Variants in PLD1 observed in about 807,000 individuals in gnomAD.
The protein encoded by PLD1 is choline phosphatase 1.
PLD1 carries 112 observed loss-of-function variants against 137.1 expected under a neutral mutation model. The observed-to-expected ratio is 0.82, with a 90% CI of 0.70 to 0.96. PLD1 has a LOEUF of 0.96. Among genes scored for constraint, PLD1 ranks in the 40% least tolerant of loss-of-function variants. PLD1 has a pLI of 0.00. For missense variants in PLD1, 1,321 were observed against 1,342.0 expected (o/e 0.98, Z 0.24); for synonymous variants, 431 against 454.7 (o/e 0.95, Z 0.66).
In PLD1 at chr3:171,697,250, T is replaced by TTG. The variant is rs1560227429; in HGVS notation, c.1227+2494_1227+2495insCA. On this transcript the variant is annotated intron_variant, in intron 12 of 26. Coordinates refer to ENST00000351298, the MANE Select transcript of PLD1 (RefSeq NM_002662.5). ...CCTTCCGGACACCTTTTTTTTTTTT[T>TTG]TTTTTTTTTTTTGAAACAGAGTCTT... Among the ~76,000 whole-genome samples, 36 of 146,774 alleles carry TTG rather than the reference T, an allele frequency of 2.5e-4. 1 individual carries two copies. The highest frequency in any genetic ancestry group is 7.9e-4 in the East Asian group (4 of 5,054).
At chr3:171,807,294 CA>C (rs34352774) in intron 1 of PLD1, among the ~76,000 whole-genome samples, 22 of 148,598 alleles carry the variant, frequency 1.5e-4, no homozygotes, top group African/African-American at 5.0e-4. Flanking sequence ...GACCCTGTCT[CA>C]AAAAAAAAAG....
rs572758144 is a variant in PLD1, at chr3:171,696,728, T to C, written c.1227+3017A>G. On this transcript the variant is annotated intron_variant, in intron 12 of 26. Transcript: ENST00000351298. ...TTGGAGTGATCCGAGTGTTAAAAAA[T>C]TTATGAACAAAGTAATAATATGGTG... is the stretch of plus-strand genomic sequence containing the variant. Among the ~76,000 whole-genome samples the C allele has an allele frequency of 9.0e-4, 137 of 152,268 alleles. 3 individuals carry two copies. The South Asian group carries it at 0.027, about 30-fold the overall frequency.
Position 171,612,229 on chromosome 3 carries a change from C to T in PLD1, c.2882+50G>A, listed in dbSNP as rs191668741. The T allele has an allele frequency of 2.4e-5, 38 of 1,577,118 alleles. No individual in the cohort carries two copies. Among genetic ancestry groups the T allele is most frequent in the Middle Eastern group, 3.4e-4 (2 of 5,912 alleles). ...CAGGGCTAGCGGGGCTGGGTCCCAG[C>T]GACTGCTGCAGTGGAAATGCATCAG... On this transcript the variant is annotated intron_variant, in intron 25 of 26. Transcript: ENST00000351298. This position sits in a 1 kb window ranked among gnomAD's most constrained non-coding sequence, Gnocchi z 4.1.
intron 11 of PLD1, among the ~76,000 whole-genome samples, chr3:171,708,536 A>G (rs1010310978): frequency 1.3e-5 from 2 of 152,154 alleles, no homozygotes; most frequent in African/African-American, 4.8e-5. Flanking sequence ...CAAATATAAA[A>G]CCTAATTGTT....
chr3:171,674,506 G>T lies in PLD1; in HGVS notation c.2223C>A (p.Asn741Lys). ...RYQVPGSVHA[N>K]VQLLRSAADW... The stretch of plus-strand genomic sequence containing the variant: ...AAAGCCAGAACTTACTTACCTGTAC[G>T]TTAGCATGGACAGACCCAGGCACTT... Residue 741 changes from asparagine (N) to lysine (K), a missense_variant, in exon 19 of 27, where the codon AAC (asparagine) becomes AAA (lysine). Transcript: ENST00000351298. 2 of 1,557,090 alleles carry T rather than the reference G, an allele frequency of 1.3e-6. No individual in the cohort carries two copies. Among genetic ancestry groups the T allele is most frequent in the Non-Finnish European group, 8.8e-7 (1 of 1,134,812 alleles).
chr3:171,758,503 C>A (rs1721182264), intron 1 of PLD1, among the ~76,000 whole-genome samples: 2 of 152,174 alleles, frequency 1.3e-5, no homozygotes, highest in Non-Finnish European at 1.5e-5. Context: ...AGAGTGTGGT[C>A]CATGGACTAG....
At chr3:171,716,200 C>T (rs1227022653) in intron 8 of PLD1, among the ~76,000 whole-genome samples, 1 of 152,146 alleles carries the variant, frequency 6.6e-6, no homozygotes, top group African/African-American at 2.4e-5. Flanking sequence ...AGTGAAAATA[C>T]ACATGCACTG....
chr3:171,770,794 T>G (rs1288660315), intron 1 of PLD1, among the ~76,000 whole-genome samples: 1 of 140,308 alleles, frequency 7.1e-6, no homozygotes, highest in Non-Finnish European at 1.5e-5. Flanking sequence ...GAGGTTGAGG[T>G]GGGAGGATCG....
intron 16 of PLD1, among the ~76,000 whole-genome samples, chr3:171,683,639 TCTC>T (rs2108500468): frequency 6.6e-6 from 1 of 152,314 alleles, no homozygotes; most frequent in Non-Finnish European, 1.5e-5. Context: ...TAGTAACTCT[TCTC>T]CTATGCTCTT....
Position 171,724,765 on chromosome 3 carries a change from G to T in PLD1, c.689C>A (p.Ser230Tyr). Residue 230 changes from serine (S) to tyrosine (Y), a missense_variant, in exon 8 of 27, where the codon TCT becomes TAT. Coordinates refer to ENST00000351298, the MANE Select transcript of PLD1 (RefSeq NM_002662.5). ...KGIEGMIMKR[S>Y]GGHRIPGLNC... ...CAAGCCTGGTATTCTGTGTCCTCCAGATCTTTTCATTATCATACCTTCTCT... is the reference window on the plus strand; with the variant it reads ...CAAGCCTGGTATTCTGTGTCCTCCATATCTTTTCATTATCATACCTTCTCT... 6.2e-7 allele frequency: 1 copy of T among 1,608,230 alleles called. No individual in the cohort carries two copies. Among genetic ancestry groups the T allele is most frequent in the African/African-American group, 1.3e-5 (1 of 74,930 alleles).
intron 23 of PLD1, among the ~76,000 whole-genome samples, chr3:171,642,487 C>T (rs1168594045): frequency 2.1e-5 from 3 of 140,616 alleles, no homozygotes; most frequent in African/African-American, 8.1e-5. Flanking sequence ...AAAAAGACGT[C>T]TGCGAAAGTG....
rs1040507568 is a variant in PLD1 at position 171,677,491 on chromosome 3, G to A, written c.1996+75C>T. 10 of 1,392,398 alleles carry A rather than the reference G, an allele frequency of 7.2e-6. No homozygotes were observed. In the Admixed American group the frequency reaches 1.1e-4, roughly 15 times the overall value. The allele number at this position is 1,392,398 out of a possible 1,614,324, so 86.3% of individuals were successfully genotyped here. A position where few individuals can be genotyped will look rare whatever the true frequency, so the allele number is the denominator to read the frequency against. On this transcript the variant is annotated intron_variant, in intron 17 of 26. Transcript: ENST00000351298. ...GCAAAACAAAAGGCATTTAGATCAT[G>A]CACATGTATACTTGCTGAGATGTTC...
At chr3:171,719,610 A>C (rs1717942839) in intron 8 of PLD1, among the ~76,000 whole-genome samples, 1 of 152,274 alleles carries the variant, frequency 6.6e-6, no homozygotes, top group Non-Finnish European at 1.5e-5. Flanking sequence ...TAAGGAATTA[A>C]AAGTAATGGC....
intron 23 of PLD1, among the ~76,000 whole-genome samples, chr3:171,634,264 A>C (rs2108342527): frequency 6.6e-6 from 1 of 152,310 alleles, no homozygotes; most frequent in African/African-American, 2.4e-5. Flanking sequence ...AGGCAAAGGC[A>C]AGAAAAGGGT....
At chr3:171,679,351 T>C (rs1041772293) in intron 16 of PLD1, among the ~76,000 whole-genome samples, 1 of 152,194 alleles carries the variant, frequency 6.6e-6, no homozygotes, top group African/African-American at 2.4e-5. Flanking sequence ...AAAAATAGAC[T>C]TCTATTGACT....
In PLD1 at chr3:171,726,851, T is replaced by C. The variant is rs75622417; in HGVS notation, c.607-775A>G. Among the ~76,000 whole-genome samples the C allele has an allele frequency of 9.7e-3, 1,481 of 152,292 alleles. 14 individuals carry two copies. The highest frequency in any genetic ancestry group is 0.016 in the Non-Finnish European group (1,071 of 68,012). ...TTGAAGCAGGTGCTACTTTTCCCATTGTACAGAAGACGAAACTGAGGTTTA... is the reference window on the plus strand; with the variant it reads ...TTGAAGCAGGTGCTACTTTTCCCATCGTACAGAAGACGAAACTGAGGTTTA... On this transcript the variant is annotated intron_variant, in intron 6 of 26. Coordinates refer to ENST00000351298, the MANE Select transcript of PLD1 (RefSeq NM_002662.5).
chr3:171,692,722 T>C (rs929591223), intron 12 of PLD1, among the ~76,000 whole-genome samples: 4 of 152,138 alleles, frequency 2.6e-5, no homozygotes, highest in Non-Finnish European at 5.9e-5. Context: ...GATTTCGCCA[T>C]GTTGGCCAGG....
At chr3:171,697,237 CTTTTTTTTTTTTT>C (rs34340739) in intron 12 of PLD1, among the ~76,000 whole-genome samples, 8 of 97,316 alleles carry the variant, frequency 8.2e-5, no homozygotes, top group Non-Finnish European at 1.6e-4. Context: ...TTCCGGACAC[CTTTTTTTTTTTTT>C]TTTTTTTTTT....
intron 9 of PLD1, among the ~76,000 whole-genome samples, chr3:171,711,611 A>AC (rs1476532775): frequency 6.6e-6 from 1 of 152,060 alleles, no homozygotes; most frequent in Non-Finnish European, 1.5e-5. Context: ...AAATGTGAGG[A>AC]CTTACTTGCT....
Sources: allele counts gnomAD v4.1 joint callset (sites outside exome capture counted in the v4.1 genomes callset), GRCh38; gene constraint gnomAD v4.1.1; non-coding constraint Gnocchi (gnomAD v3.1); transcripts MANE v1.5; gene names NCBI Gene and HGNC (gene_info 2026-07-23, HGNC 2026-07-21).